The following FAF2 variants were observed in gnomAD, a reference collection of about 807,000 sequenced individuals.
FAF2 encodes FAS-associated factor 2.
A neutral mutation model predicts 62.3 loss-of-function variants in FAF2; 9 were observed. That is an observed-to-expected ratio of 0.14 (90% CI 0.09 to 0.25). FAF2 has a LOEUF of 0.25. Among genes scored for constraint, FAF2 ranks in the 10% least tolerant of loss-of-function variants. FAF2 has a pLI of 1.00. For missense variants in FAF2, 368 were observed against 556.2 expected, an observed-to-expected ratio of 0.66 and a Z score of 3.40; for synonymous variants, 202 against 198.0, an observed-to-expected ratio of 1.02 and a Z score of -0.17.
intron 8 of FAF2, among the ~76,000 whole-genome samples, chr5:176,498,443 A>G (rs942096424): frequency 1.3e-5 from 2 of 152,228 alleles, no homozygotes; most frequent in East Asian, 1.9e-4. Context: ...GCCAAATGTT[A>G]TAATGTTTTA....
At position 176,451,384 on chromosome 5, in the gene FAF2, T is replaced by C. The variant is rs577024835; in HGVS notation, c.63+2914T>C. On this transcript the variant is annotated intron_variant, in intron 1 of 10. Transcript: ENST00000261942. ...GGACTCTGTCTCAAAAAAAAAATTT[T>C]TTTTTAAGTAGAGACGGGAGTCTTG... is the stretch of plus-strand genomic sequence containing the variant. Among the ~76,000 whole-genome samples the C allele has an allele frequency of 2.4e-4, 37 of 152,010 alleles. 1 individual carries two copies. The highest frequency in any genetic ancestry group is 1.3e-3 in the Admixed American group (20 of 15,234).
intron 1 of FAF2, among the ~76,000 whole-genome samples, chr5:176,461,312 CTTTTTTTT>C (rs60608969): frequency 7.1e-5 from 5 of 70,732 alleles, no homozygotes; most frequent in Non-Finnish European, 1.2e-4. Flanking sequence ...CTGTGCCCAG[CTTTTTTTT>C]TTTTTTTTTT....
chr5:176,500,330 G>T (rs1435609343), intron 10 of FAF2, among the ~76,000 whole-genome samples, 184 bp downstream of exon 10: 3 of 152,106 alleles, frequency 2.0e-5, no homozygotes, highest in Admixed American at 2.0e-4. Context: ...ACTGCTGTAG[G>T]CTCCTTCAGT....
chr5:176,497,794 CAAACTT>C (rs543811640), intron 8 of FAF2, among the ~76,000 whole-genome samples: 88 of 152,214 alleles, frequency 5.8e-4, no homozygotes, highest in African/African-American at 2.0e-3. Context: ...GAAAGTTAAA[CAAACTT>C]AAATTTTATG....
chr5:176,492,375 T>A (rs1479619592), intron 5 of FAF2, 43 bp downstream of exon 5: 2 of 1,576,608 alleles, frequency 1.3e-6, no homozygotes, highest in Non-Finnish European at 8.6e-7. Flanking sequence ...ACCGAAATGA[T>A]TCTATCCTCA....
At position 176,506,209 on chromosome 5, in the gene FAF2, A is replaced by AC. The variant is rs1554133981; in HGVS notation, c.1156-559_1156-558insC. ...GACTCTCTCAAAAAAAAAAAAAACAAAAAAAAAAAACTGGATCCCTTTGCT... is the reference window on the plus strand; with the variant it reads ...GACTCTCTCAAAAAAAAAAAAAACAACAAAAAAAAAACTGGATCCCTTTGCT... On this transcript the variant is annotated intron_variant, in intron 10 of 10. Transcript: ENST00000261942. 2.0e-3 allele frequency among the ~76,000 whole-genome samples: 288 copies of AC among 145,124 alleles called. 5 individuals are homozygous for AC. Among genetic ancestry groups the AC allele is most frequent in the African/African-American group, 7.5e-3 (280 of 37,396 alleles).
chr5:176,449,619 A>G (rs1161629524), intron 1 of FAF2, among the ~76,000 whole-genome samples: 1 of 152,172 alleles, frequency 6.6e-6, no homozygotes, highest in Non-Finnish European at 1.5e-5. Context: ...GGGAGATCAA[A>G]TGGACATATG....
intron 1 of FAF2, among the ~76,000 whole-genome samples, chr5:176,451,745 A>G (rs1360709102): frequency 2.9e-5 from 4 of 136,664 alleles, no homozygotes; most frequent in African/African-American, 5.3e-5. Context: ...ATATGTGTAT[A>G]TATGTATATT....
At chr5:176,489,162 CTT>C (rs1758927097) in intron 4 of FAF2, 135 bp downstream of exon 4, 2 of 584,516 alleles carry the variant, frequency 3.4e-6, no homozygotes, top group Admixed American at 6.5e-5. Context: ...CCCGAACTGT[CTT>C]TTAATACAAC....
In FAF2 at chr5:176,488,967, G is replaced by C; in HGVS notation, c.284G>C (p.Gly95Ala). 13 of 1,613,918 alleles carry C rather than the reference G, an allele frequency of 8.1e-6. No individual in the cohort carries two copies. The highest frequency in any genetic ancestry group is 1.0e-5 in the Non-Finnish European group (12 of 1,179,890). ...GACTTTCAGGGGCTGCTTGGATGGG[G>C]TTATTACTTGATAATGCTTCCATTC... is the stretch of plus-strand genomic sequence containing the variant. ...RPQPRGLLGWGYYLIMLPFRF... is the reference protein window; with the variant it reads ...RPQPRGLLGWAYYLIMLPFRF... The change falls in exon 4 of 11, where the codon GGT becomes GCT. Residue 95 changes from glycine (G) to alanine (A), a missense_variant. Gly to Ala is a moderately conservative substitution (Grantham distance 60). Coordinates refer to ENST00000261942, the MANE Select transcript of FAF2 (RefSeq NM_014613.3).
At position 176,506,983 on chromosome 5, in the gene FAF2, T is replaced by C; in HGVS notation, c.*33T>C. The stretch of plus-strand genomic sequence containing the variant: ...TTCTTCCTGTCCCCTCCTACCCCAG[T>C]CCCTAAAAGAAATGGGGAAAAAAGA... On this transcript the variant is annotated 3_prime_UTR_variant, in exon 11 of 11. Transcript: ENST00000261942. 7.4e-7 allele frequency: 1 copy of C among 1,355,384 alleles called. No individual in the cohort carries two copies. Among genetic ancestry groups the C allele is most frequent in the Non-Finnish European group, 9.6e-7 (1 of 1,042,646 alleles). 84.0% of individuals were successfully genotyped at this position (1,355,384 alleles called of 1,614,324 possible).
chr5:176,468,343 G>C (rs1758507274), intron 1 of FAF2, among the ~76,000 whole-genome samples: 1 of 152,180 alleles, frequency 6.6e-6, no homozygotes, highest in African/African-American at 2.4e-5. Flanking sequence ...CCAGCACTTT[G>C]GGAGGCCGAG....
intron 1 of FAF2, among the ~76,000 whole-genome samples, chr5:176,460,523 T>C (rs1030509352): frequency 6.8e-6 from 1 of 146,878 alleles, no homozygotes; most frequent in Non-Finnish European, 1.5e-5. Context: ...CGTGTGTGTG[T>C]GTGTGTGTGT....
intron 9 of FAF2, 128 bp from the exon 10 acceptor site, chr5:176,499,875 A>C: frequency 6.5e-6 from 7 of 1,071,932 alleles, no homozygotes; most frequent in Non-Finnish European, 8.1e-6. Flanking sequence ...GTTTTTGACT[A>C]TTCCTGAGAG....
intron 1 of FAF2, among the ~76,000 whole-genome samples, chr5:176,468,509 G>C (rs998828828): frequency 2.4e-4 from 36 of 151,784 alleles, no homozygotes; most frequent in African/African-American, 8.2e-4. Context: ...GTGTGAACCC[G>C]GGAGGCGCAG....
intron 1 of FAF2, among the ~76,000 whole-genome samples, chr5:176,471,531 C>T (rs1359979377): frequency 1.3e-5 from 2 of 151,666 alleles, no homozygotes; most frequent in Non-Finnish European, 2.9e-5. Context: ...TACAGGTGCC[C>T]ACCACCATGC....
At chr5:176,495,183 A>G (rs1199194431) in intron 7 of FAF2, among the ~76,000 whole-genome samples, 1 of 152,170 alleles carries the variant, frequency 6.6e-6, no homozygotes, top group African/African-American at 2.4e-5. Context: ...AAATGTAGTC[A>G]TTTTTGTGGC....
At chr5:176,499,488 T>TTTTTG (rs377031752) in intron 9 of FAF2, among the ~76,000 whole-genome samples, 5 of 152,170 alleles carry the variant, frequency 3.3e-5, no homozygotes, top group African/African-American at 4.8e-5. Flanking sequence ...TATCTTTTTG[T>TTTTTG]TTTTGTTTTG....
At chr5:176,463,643 A>C (rs1355694470) in intron 1 of FAF2, among the ~76,000 whole-genome samples, 2 of 151,900 alleles carry the variant, frequency 1.3e-5, no homozygotes, top group Admixed American at 1.3e-4. Flanking sequence ...ACATTTTACC[A>C]GTGAGGAAGC....
Sources: allele counts gnomAD v4.1 joint callset (sites outside exome capture counted in the v4.1 genomes callset), GRCh38; gene constraint gnomAD v4.1.1; transcripts MANE v1.5; gene names NCBI Gene and HGNC (gene_info 2026-07-23, HGNC 2026-07-21).